TYRP1: variants seen among roughly 807,000 people sequenced by gnomAD.
TYRP1 encodes the protein tyrosinase related protein 1, also known as 5,6-dihydroxyindole-2-carboxylic acid oxidase.
Under a neutral mutation model 42.8 loss-of-function variants are expected in TYRP1, and 49 were observed. That is an observed-to-expected ratio of 1.14 (90% CI 0.91 to 1.45). TYRP1 has a LOEUF of 1.45. Among genes scored for constraint, TYRP1 ranks in the 40% most tolerant of loss-of-function variants. TYRP1 has a pLI of 0.00. For missense variants in TYRP1, 848 were observed against 662.0 expected (o/e 1.28, Z -3.08); for synonymous variants, 279 against 235.4 (o/e 1.19, Z -1.69).
intron 6 of TYRP1, among the ~76,000 whole-genome samples, chr9:12,707,033 G>A (rs1196285451): frequency 6.6e-6 from 1 of 151,866 alleles, no homozygotes; most frequent in Non-Finnish European, 1.5e-5. Flanking sequence ...GTACAATTGA[G>A]AGCATCCAAA....
chr9:12,707,812 A>G, intron 6 of TYRP1, 185 bp from the exon 7 acceptor site: 1 of 608,696 alleles, frequency 1.6e-6, no homozygotes, highest in East Asian at 2.8e-5. Context: ...ACTGTATTCA[A>G]AGCATTTTCT....
chr9:12,702,467 A>G (rs748407483), intron 5 of TYRP1, 29 bp downstream of exon 5: 3 of 1,606,170 alleles, frequency 1.9e-6, no homozygotes, highest in South Asian at 1.1e-5. Context: ...TATTTTTAAA[A>G]GATCTAGTTA....
rs1328038290 is a variant in TYRP1 at position 12,695,832 on chromosome 9, A to G, written c.703A>G (p.Met235Val). ...CCACCTCCTGCGTCTGGAGAAAGAC[A>G]TGCAGGTATGTAAGAAGCATTTCAG... ...RYHLLRLEKD[M>V]QEMLQEPSFS... is the part of the protein sequence containing the mutation. Residue 235 changes from methionine (M) to valine (V), a missense_variant, in exon 3 of 8, where the codon ATG becomes GTG. Met to Val is a conservative substitution (Grantham distance 21). Transcript: ENST00000388918. The G allele has an allele frequency of 6.2e-7, 1 of 1,614,038 alleles. No homozygotes were observed. Among genetic ancestry groups the G allele is most frequent in the Non-Finnish European group, 8.5e-7 (1 of 1,179,986 alleles).
intron 4 of TYRP1, among the ~76,000 whole-genome samples, chr9:12,699,882 G>A (rs113760294): frequency 9.2e-5 from 14 of 152,102 alleles, no homozygotes; most frequent in Admixed American, 3.9e-4. Context: ...CAGTTTAAAT[G>A]AGTGAATGCA....
chr9:12,694,550 TA>T, intron 2 of TYRP1, 169 bp downstream of exon 2: 1 of 845,668 alleles, frequency 1.2e-6, no homozygotes, highest in Non-Finnish European at 1.8e-6. Flanking sequence ...TTGTTTAATG[TA>T]AAGGGTTGGA....
chr9:12,702,388 C>G lies in TYRP1; in HGVS notation c.1031C>G (p.Thr344Arg). 2 of 1,612,956 alleles carry G rather than the reference C, an allele frequency of 1.2e-6. No homozygotes were observed. Among genetic ancestry groups the G allele is most frequent in the East Asian group, 2.2e-5 (1 of 44,822 alleles). Residue 344 changes from threonine (T) to arginine (R), a missense_variant, in exon 5 of 8, where the codon ACG (threonine) becomes AGG (arginine). By Grantham distance (71) the Thr-to-Arg change is moderately conservative (BLOSUM62 -1). Transcript: ENST00000388918. ...AQCLEVGLFD[T>R]PPFYSNSTNS... is the part of the protein sequence containing the mutation. ...TGCTTGGAAGTTGGTTTATTTGACA[C>G]GCCTCCTTTTTATTCCAACTCTACA...
intron 4 of TYRP1, chr9:12,700,599 G>C (rs1282449865): frequency 1.3e-5 from 2 of 152,006 alleles, no homozygotes. Context: ...GGCAGAGTTT[G>C]TCCATATGCA....
At chr9:12,706,821 A>G (rs1818266311) in intron 6 of TYRP1, among the ~76,000 whole-genome samples, 1 of 152,074 alleles carries the variant, frequency 6.6e-6, no homozygotes, top group African/African-American at 2.4e-5. Context: ...CTTGTTTAAA[A>G]TAAGTCTAGG....
intron 5 of TYRP1, among the ~76,000 whole-genome samples, chr9:12,704,276 G>A (rs934651253): frequency 1.3e-5 from 2 of 151,804 alleles, no homozygotes; most frequent in African/African-American, 4.8e-5. Context: ...GGTATCCTTT[G>A]CAGGTCATTA....
chr9:12,694,547 A>G lies in TYRP1; in HGVS notation c.385+166A>G, dbSNP rs115982727. 1.7e-3 allele frequency: 1,480 copies of G among 864,792 alleles called. 15 individuals carry two copies. The African/African-American group carries it at 0.022, about 13-fold the overall frequency. 53.6% of individuals were successfully genotyped at this position (864,792 alleles called of 1,614,324 possible). On this transcript the variant is annotated intron_variant, in intron 2 of 7. Coordinates refer to ENST00000388918, the MANE Select transcript of TYRP1 (RefSeq NM_000550.3). ...TTAGAAAGGTTAAGAAACTTGTTTA[A>G]TGTAAAGGGTTGGAGTTGAAGCTCA...
At position 12,709,107 on chromosome 9, in the gene TYRP1, T is replaced by A; in HGVS notation, c.1539T>A (p.Pro513=). Reference sequence around the variant, plus strand: ...GCAGTATGGATGAAGCTAACCAGCCTCTCCTCACTGATCAGTATCAATGCT... The same window carrying A: ...GCAGTATGGATGAAGCTAACCAGCCACTCCTCACTGATCAGTATCAATGCT... ...ARRSMDEANQ[P]LLTDQYQCYA... is the part of the protein sequence containing the mutation. The change falls in exon 8 of 8, where the codon CCT becomes CCA. Residue 513 remains proline, a synonymous_variant. Coordinates refer to ENST00000388918, the MANE Select transcript of TYRP1 (RefSeq NM_000550.3). 6.2e-7 allele frequency: 1 copy of A among 1,612,774 alleles called. No individual in the cohort carries two copies.
At chr9:12,701,216 A>AT (rs1019002866) in intron 4 of TYRP1, among the ~76,000 whole-genome samples, 35 of 150,922 alleles carry the variant, frequency 2.3e-4, no homozygotes, top group African/African-American at 6.8e-4. Context: ...TTGATACTTG[A>AT]TTTTTTTTTC....
intron 7 of TYRP1, 100 bp downstream of exon 7, chr9:12,708,243 T>G: frequency 2.8e-6 from 4 of 1,445,452 alleles, no homozygotes; most frequent in Non-Finnish European, 3.8e-6. Context: ...ATGTTTTCCA[T>G]TTGGACTTGG....
intron 4 of TYRP1, among the ~76,000 whole-genome samples, 164 bp downstream of exon 4, chr9:12,698,819 A>G (rs1011054950): frequency 3.3e-5 from 5 of 152,144 alleles, no homozygotes; most frequent in African/African-American, 9.6e-5. Flanking sequence ...AGAATGTTCA[A>G]GGTACTCTAG....
chr9:12,698,528 G>C lies in TYRP1; in HGVS notation c.786G>C (p.Thr262=). Residue 262 remains threonine (T), a synonymous_variant, in exon 4 of 8, where the codon ACG becomes ACC. Transcript: ENST00000388918. ...ATGKNVCDIC[T]DDLMGSRSNF... is the part of the protein sequence containing the mutation. ...GGAAAAATGTCTGTGATATCTGCACGGATGACTTGATGGGATCCAGAAGCA... is the reference window on the plus strand; with the variant it reads ...GGAAAAATGTCTGTGATATCTGCACCGATGACTTGATGGGATCCAGAAGCA... 1 of 1,613,756 alleles carries C rather than the reference G, an allele frequency of 6.2e-7. No homozygotes were observed. The highest frequency in any genetic ancestry group is 8.5e-7 in the Non-Finnish European group (1 of 1,179,820).
chr9:12,709,179 C>T lies in TYRP1; in HGVS notation c.1611C>T (p.Val537=), dbSNP rs758546482. 1 of 1,612,132 alleles carries T rather than the reference C, an allele frequency of 6.2e-7. No homozygotes were observed. The highest frequency in any genetic ancestry group is 1.1e-5 in the South Asian group (1 of 91,018). The change falls in exon 8 of 8, where the codon GTC becomes GTT. Residue 537 remains valine (V), a synonymous_variant. Coordinates refer to ENST00000388918, the MANE Select transcript of TYRP1 (RefSeq NM_000550.3). ...EKLQNPNQSV[V] ...TCCAGAATCCTAATCAGTCTGTGGT[C>T]TAACAAATGCCCTACTCTCTTATGC...
chr9:12,704,175 G>GT (rs1192876771), intron 5 of TYRP1, among the ~76,000 whole-genome samples: 1 of 152,018 alleles, frequency 6.6e-6, no homozygotes, highest in African/African-American at 2.4e-5. Context: ...TGTGTCAGCA[G>GT]TTTTTAGCAG....
rs1290496803 is a variant in TYRP1 at position 12,710,120 on chromosome 9, A to G, written c.*938A>G. The G allele has an allele frequency of 1.3e-5, 2 of 151,734 alleles. No individual in the cohort carries two copies. Among genetic ancestry groups the G allele is most frequent in the Non-Finnish European group, 2.9e-5 (2 of 67,806 alleles). 9.4% of individuals were successfully genotyped at this position (151,734 alleles called of 1,614,324 possible). On this transcript the variant is annotated 3_prime_UTR_variant, in exon 8 of 8. Transcript: ENST00000388918. ...TTGGTCTTCTTTTTTATCTGGTTCT[A>G]TATGAATGCTATTTTTTCCCTTCTC...
At chr9:12,708,872 T>C (rs1818305351) in intron 7 of TYRP1, 105 bp from the exon 8 acceptor site, 1 of 1,097,652 alleles carries the variant, frequency 9.1e-7, no homozygotes, top group African/African-American at 1.6e-5. Flanking sequence ...AAATTAAATA[T>C]GAGGATTTCT....
Sources: gnomAD v4.1 joint callset for allele counts (sites outside exome capture counted in the v4.1 genomes callset) on GRCh38, gnomAD v4.1.1 for gene constraint, MANE v1.5 for transcripts, NCBI Gene and HGNC (gene_info 2026-07-23, HGNC 2026-07-21) for gene names.